Variants in DNAH6 observed in about 807,000 individuals in gnomAD.
DNAH6 encodes axonemal beta dynein heavy chain 6.
DNAH6 carries 340 observed loss-of-function variants against 491.4 expected under a neutral mutation model. The observed-to-expected ratio is 0.69, with a 90% confidence interval of 0.63 to 0.76. DNAH6 has a LOEUF of 0.76. Among genes scored for constraint, DNAH6 ranks in the 30% least tolerant of loss-of-function variants. The pLI is 0.00. For missense variants in DNAH6, 4,443 were observed against 4,972.2 expected, an observed-to-expected ratio of 0.89 and a Z score of 3.20; for synonymous variants, 1,603 against 1,686.1, an observed-to-expected ratio of 0.95 and a Z score of 1.21.
At chr2:84,813,728 T>C (rs1220004997) in intron 74 of DNAH6, among the ~76,000 whole-genome samples, 1 of 152,214 alleles carries the variant, frequency 6.6e-6, no homozygotes, top group Non-Finnish European at 1.5e-5. Flanking sequence ...CACTGAACAC[T>C]GGCCTTCCCT....
the DNAH6 span, among the ~76,000 whole-genome samples, chr2:84,485,641 G>T: frequency 1.3e-5 from 2 of 151,924 alleles, no homozygotes; most frequent in Admixed American, 6.6e-5. Flanking sequence ...GAGGGGTTTT[G>T]GTTTTTTCTC....
intron 35 of DNAH6, among the ~76,000 whole-genome samples, chr2:84,657,514 T>A (rs1558864454): frequency 1.3e-5 from 2 of 152,052 alleles, no homozygotes; most frequent in Admixed American, 6.6e-5. Flanking sequence ...ATCAGAGTAT[T>A]ATAGCTTGTC....
At chr2:84,783,155 TA>T (rs1010111342) in intron 65 of DNAH6, among the ~76,000 whole-genome samples, 7 of 152,052 alleles carry the variant, frequency 4.6e-5, no homozygotes, top group African/African-American at 1.7e-4. Context: ...ACAAAACAAA[TA>T]AAACCTCAGA....
At chr2:84,592,132 A>G (rs1684176203) in intron 16 of DNAH6, among the ~76,000 whole-genome samples, 1 of 152,140 alleles carries the variant, frequency 6.6e-6, no homozygotes, top group African/African-American at 2.4e-5. Flanking sequence ...CAAAGGAAAC[A>G]ATCAACAGAG....
At chr2:84,634,977 G>A (rs1688734660) in intron 30 of DNAH6, among the ~76,000 whole-genome samples, 1 of 152,154 alleles carries the variant, frequency 6.6e-6, no homozygotes, top group Non-Finnish European at 1.5e-5. Context: ...TGGTCACAAT[G>A]GGCAGCACTG....
intron 15 of DNAH6, among the ~76,000 whole-genome samples, chr2:84,586,346 C>T (rs1346370305): frequency 6.6e-6 from 1 of 152,208 alleles, no homozygotes; most frequent in Non-Finnish European, 1.5e-5. Context: ...GGCCATGCCT[C>T]CCTGCTGCAG....
At chr2:84,630,371 T>A (rs1688290664) in intron 29 of DNAH6, among the ~76,000 whole-genome samples, 1 of 152,138 alleles carries the variant, frequency 6.6e-6, no homozygotes, top group African/African-American at 2.4e-5. Flanking sequence ...ATACAAGCTA[T>A]GAATTATTCC....
chr2:84,637,465 T>C (rs1363750618), intron 31 of DNAH6, 88 bp downstream of exon 31: 1 of 1,340,476 alleles, frequency 7.5e-7, no homozygotes, highest in Non-Finnish European at 9.9e-7. Context: ...GTTTCCTTTA[T>C]GAATGCCCCT....
chr2:84,758,075 A>C (rs1317029806), intron 63 of DNAH6, among the ~76,000 whole-genome samples: 2 of 152,214 alleles, frequency 1.3e-5, no homozygotes, highest in Non-Finnish European at 2.9e-5. Flanking sequence ...GAAATTGCAC[A>C]TGTTACATAT....
intron 45 of DNAH6, among the ~76,000 whole-genome samples, chr2:84,690,526 G>A (rs752031903): frequency 1.2e-4 from 19 of 152,220 alleles, no homozygotes; most frequent in African/African-American, 4.1e-4. Flanking sequence ...AGACCAGACC[G>A]TAAGCAAAGT....
chr2:84,575,984 CTCTA>C (rs1682403260), intron 12 of DNAH6, among the ~76,000 whole-genome samples: 1 of 152,166 alleles, frequency 6.6e-6, no homozygotes, highest in South Asian at 2.1e-4. Flanking sequence ...ACCTCAATTT[CTCTA>C]TCTATGAAAT....
At chr2:84,661,625 A>G (rs1445818264) in intron 37 of DNAH6, among the ~76,000 whole-genome samples, 18 of 152,292 alleles carry the variant, frequency 1.2e-4, no homozygotes. Flanking sequence ...ATTACAAAAC[A>G]TTGTTGAGAG....
In DNAH6 at chr2:84,553,366, TTTCTTTCTTTCTTTCTTTCTTTCTTTC is replaced by T. The variant is rs1178708295; in HGVS notation, c.1602+335_1602+361del. On this transcript the variant is annotated intron_variant, in intron 10 of 76. Transcript: ENST00000389394. Reference sequence around the variant, plus strand: ...TTTCCTTTCTTTTCTTTTCTTTTCTTTTCTTTCTTTCTTTCTTTCTTTCTTTCTTTCTTTCTTTCTTTCTTTCTTTCT... The same window carrying T: ...TTTCCTTTCTTTTCTTTTCTTTTCTTTTTCTTTCTTTCTTTCTTTCTTTCT... Among the ~76,000 whole-genome samples the T allele has an allele frequency of 1.9e-3, 18 of 9,410 alleles. 1 individual carries two copies. The highest frequency in any genetic ancestry group is 7.1e-3 in the African/African-American group (18 of 2,542). 6.2% of individuals were successfully genotyped at this position (9,410 alleles called of 152,430 possible).
At chr2:84,659,948 C>T (rs1691336563) in intron 37 of DNAH6, among the ~76,000 whole-genome samples, 1 of 152,176 alleles carries the variant, frequency 6.6e-6, no homozygotes, top group East Asian at 1.9e-4. Context: ...TACCACTGCA[C>T]TCTGGCCTGG....
intron 4 of DNAH6, among the ~76,000 whole-genome samples, chr2:84,542,980 G>A (rs947610645): frequency 5.3e-5 from 8 of 152,112 alleles, no homozygotes; most frequent in Non-Finnish European, 8.8e-5. Flanking sequence ...TCAACATGGT[G>A]AAACCCTATC....
chr2:84,680,264 A>T (rs918597645), intron 41 of DNAH6, among the ~76,000 whole-genome samples: 10 of 152,158 alleles, frequency 6.6e-5, no homozygotes, highest in African/African-American at 2.4e-4. Flanking sequence ...GCAACCATTG[A>T]TATGCATTCT....
intron 4 of DNAH6, among the ~76,000 whole-genome samples, chr2:84,537,068 A>C (rs796857597): frequency 6.6e-6 from 1 of 151,994 alleles, no homozygotes; most frequent in South Asian, 2.1e-4. Flanking sequence ...TAACATTCAA[A>C]GTTTGAGAAG....
At chr2:84,561,901 A>G (rs1188858829) in intron 11 of DNAH6, among the ~76,000 whole-genome samples, 4 of 152,212 alleles carry the variant, frequency 2.6e-5, no homozygotes, top group African/African-American at 4.8e-5. Flanking sequence ...TTAGGAACCT[A>G]CTACAGGATG....
Position 84,634,567 on chromosome 2 carries a change from A to G in DNAH6, c.4579A>G (p.Asn1527Asp), listed in dbSNP as rs1688700916. 2 of 1,550,480 alleles carry G rather than the reference A, an allele frequency of 1.3e-6. No homozygotes were observed. The highest frequency in any genetic ancestry group is 1.7e-6 in the Non-Finnish European group (2 of 1,146,562). Residue 1527 changes from asparagine to aspartate, a missense_variant, in exon 30 of 77, where the codon AAT becomes GAT. Asn to Asp is a conservative substitution (Grantham distance 23). Transcript: ENST00000389394. Reference protein sequence around the residue: ...SGAWCCFDEFNRIDIEVLSVI... With the variant: ...SGAWCCFDEFDRIDIEVLSVI... ...GGCCTGGTGCTGCTTTGATGAATTTAATCGAATTGACATAGAAGTTCTGTC... is the reference window on the plus strand; with the variant it reads ...GGCCTGGTGCTGCTTTGATGAATTTGATCGAATTGACATAGAAGTTCTGTC...
Sources: allele counts gnomAD v4.1 joint callset (sites outside exome capture counted in the v4.1 genomes callset), GRCh38; gene constraint gnomAD v4.1.1; transcripts MANE v1.5; gene names NCBI Gene and HGNC (gene_info 2026-07-23, HGNC 2026-07-21).